The following KCTD8 variants were observed in gnomAD, a reference collection of about 807,000 sequenced individuals.
The protein encoded by KCTD8 is BTB/POZ domain-containing protein KCTD8.
Under a neutral mutation model 31.5 loss-of-function variants are expected in KCTD8, and 27 were observed. The observed-to-expected ratio is 0.86, with a 90% CI of 0.63 to 1.18. KCTD8 has a LOEUF of 1.18. KCTD8 is among the 50% of genes most tolerant of loss of function. The pLI, the probability that KCTD8 is intolerant of heterozygous loss-of-function variation, is 0.00. For synonymous variants in KCTD8, 290 were observed against 280.0 expected, an observed-to-expected ratio of 1.04 and a Z score of -0.36; for missense variants, 658 against 647.7, an observed-to-expected ratio of 1.02 and a Z score of -0.17.
intron 1 of KCTD8, among the ~76,000 whole-genome samples, chr4:44,341,801 A>AT (rs778711646): frequency 5.9e-5 from 9 of 152,140 alleles, no homozygotes; most frequent in Non-Finnish European, 1.0e-4. Context: ...TAATGTTGAT[A>AT]TTTTGACTCC....
At chr4:44,388,519 C>T (rs1213417219) in intron 1 of KCTD8, among the ~76,000 whole-genome samples, 18 of 151,868 alleles carry the variant, frequency 1.2e-4, no homozygotes, top group Non-Finnish European at 2.9e-5. Flanking sequence ...GAATATTATG[C>T]AGCTATAAAA....
chr4:44,273,938 A>G (rs1193645431), intron 1 of KCTD8, among the ~76,000 whole-genome samples: 3 of 151,912 alleles, frequency 2.0e-5, no homozygotes, highest in Non-Finnish European at 4.4e-5. Context: ...TTATTATCTA[A>G]AACTTCTATT....
intron 1 of KCTD8, among the ~76,000 whole-genome samples, chr4:44,370,625 TAAG>T (rs1056589258): frequency 2.0e-5 from 3 of 152,014 alleles, no homozygotes; most frequent in Non-Finnish European, 2.9e-5. Context: ...AAAGCAGAAA[TAAG>T]GAGGATAACA....
intron 1 of KCTD8, among the ~76,000 whole-genome samples, chr4:44,295,869 G>A (rs994029796): frequency 6.6e-6 from 1 of 151,998 alleles, no homozygotes; most frequent in Admixed American, 6.6e-5. Flanking sequence ...ATTAATATTG[G>A]TAATTTATTA....
chr4:44,432,863 C>T (rs563340216), intron 1 of KCTD8, among the ~76,000 whole-genome samples: 6 of 151,714 alleles, frequency 4.0e-5, no homozygotes, highest in African/African-American at 1.4e-4. Flanking sequence ...ACAATCAACT[C>T]TCTGGAGCAT....
At chr4:44,261,648 A>C (rs1156618688) in intron 1 of KCTD8, among the ~76,000 whole-genome samples, 2 of 151,828 alleles carry the variant, frequency 1.3e-5, no homozygotes, top group Non-Finnish European at 2.9e-5. Flanking sequence ...TTATAGTTTG[A>C]CTTTTATAGA....
chr4:44,376,204 C>T (rs545496178), intron 1 of KCTD8, among the ~76,000 whole-genome samples: 1 of 152,304 alleles, frequency 6.6e-6, no homozygotes, highest in South Asian at 2.1e-4. Context: ...ACACCAGAGT[C>T]AGGCCCTCAA....
chr4:44,426,719 C>T (rs893649561), intron 1 of KCTD8, among the ~76,000 whole-genome samples: 1 of 151,710 alleles, frequency 6.6e-6, no homozygotes, highest in African/African-American at 2.4e-5. Context: ...CTCTTCCTCC[C>T]CCAAATTCCC....
At chr4:44,437,855 A>C (rs1320772380) in intron 1 of KCTD8, among the ~76,000 whole-genome samples, 1 of 152,118 alleles carries the variant, frequency 6.6e-6, no homozygotes, top group Non-Finnish European at 1.5e-5. Flanking sequence ...ATATAGCCCA[A>C]AGACTTTGAT....
At chr4:44,225,517 A>T (rs948691435) in intron 1 of KCTD8, among the ~76,000 whole-genome samples, 2 of 152,078 alleles carry the variant, frequency 1.3e-5, no homozygotes, top group Admixed American at 1.3e-4. Context: ...TTCATATCGG[A>T]TTTGGTACTT....
chr4:44,293,467 TAA>T (rs1460604068), intron 1 of KCTD8: 4 of 455,482 alleles, frequency 8.8e-6, no homozygotes, highest in African/African-American at 2.0e-5. Flanking sequence ...CAAGCAATCA[TAA>T]ATAGCCATAT....
At chr4:44,362,288 C>T (rs537475259) in intron 1 of KCTD8, among the ~76,000 whole-genome samples, 7 of 152,076 alleles carry the variant, frequency 4.6e-5, no homozygotes, top group Non-Finnish European at 1.0e-4. Flanking sequence ...ATTTCTTAAG[C>T]AGATGAGAAG....
chr4:44,221,272 T>G (rs2109348079), intron 1 of KCTD8, among the ~76,000 whole-genome samples: 1 of 152,122 alleles, frequency 6.6e-6, no homozygotes, highest in South Asian at 2.1e-4. Flanking sequence ...GATGGGGCTA[T>G]TTCTTGTTCC....
intron 1 of KCTD8, among the ~76,000 whole-genome samples, chr4:44,339,250 T>A (rs939292288): frequency 2.0e-5 from 3 of 152,110 alleles, no homozygotes; most frequent in African/African-American, 7.2e-5. Context: ...AGCAGAAGAA[T>A]CCCTCAAATC....
intron 1 of KCTD8, among the ~76,000 whole-genome samples, chr4:44,413,613 ATTG>A (rs770465621): frequency 2.6e-5 from 4 of 151,990 alleles, no homozygotes; most frequent in Non-Finnish European, 5.9e-5. Flanking sequence ...TGGAAATCCA[ATTG>A]TTGTATTGTT....
intron 1 of KCTD8, among the ~76,000 whole-genome samples, chr4:44,274,668 A>C (rs1716701903): frequency 6.6e-6 from 1 of 151,810 alleles, no homozygotes; most frequent in African/African-American, 2.4e-5. Flanking sequence ...ATTTGGTTGA[A>C]ATTTACTTGT....
chr4:44,289,938 A>T (rs1038769878), intron 1 of KCTD8, among the ~76,000 whole-genome samples: 4 of 152,158 alleles, frequency 2.6e-5, no homozygotes, highest in African/African-American at 9.7e-5. Context: ...TAACAATATG[A>T]TAACAATATC....
chr4:44,265,185 T>C (rs1716307142), intron 1 of KCTD8, among the ~76,000 whole-genome samples: 1 of 152,052 alleles, frequency 6.6e-6, no homozygotes, highest in Admixed American at 6.6e-5. Flanking sequence ...GGTACTCCTC[T>C]GAGACAAAAC....
At chr4:44,240,047 C>A (rs1715402510) in intron 1 of KCTD8, among the ~76,000 whole-genome samples, 1 of 152,166 alleles carries the variant, frequency 6.6e-6, no homozygotes, top group Admixed American at 6.5e-5. Flanking sequence ...GGAATCATTA[C>A]AATTTTGCAT....
Sources: gnomAD v4.1 joint callset for allele counts (sites outside exome capture counted in the v4.1 genomes callset) on GRCh38, gnomAD v4.1.1 for gene constraint, MANE v1.5 for transcripts, NCBI Gene and HGNC (gene_info 2026-07-23, HGNC 2026-07-21) for gene names.